Variants in MARCHF10 observed in about 807,000 individuals in gnomAD.
MARCHF10 encodes membrane associated ring-CH-type finger 10, also known as probable E3 ubiquitin-protein ligase MARCHF10.
A neutral mutation model predicts 76.2 loss-of-function variants in MARCHF10; 64 were observed. The ratio of observed to expected loss-of-function variants is 0.84; its 90% CI spans 0.69 to 1.03. MARCHF10 has a LOEUF of 1.03. MARCHF10 is among the 50% of genes least tolerant of loss of function. The pLI is 0.00. For synonymous variants in MARCHF10, 340 were observed against 357.5 expected (o/e 0.95, Z 0.55); for missense variants, 875 against 958.0 (o/e 0.91, Z 1.14).
rs560109713 is a variant in MARCHF10 at position 62,714,472 on chromosome 17, TTGTC to T, written c.2215-3132_2215-3129del. 222 of 959,486 alleles carry T rather than the reference TTGTC, an allele frequency of 2.3e-4. 4 individuals are homozygous for T. In the South Asian group the frequency reaches 8.1e-3, roughly 35 times the overall value. The allele number at this position is 959,486 out of a possible 1,614,324, so 59.4% of individuals were successfully genotyped here. A position where few individuals can be genotyped will look rare whatever the true frequency, so the allele number is the denominator to read the frequency against. Reference sequence around the variant, plus strand: ...ATTTAAAGACAGGATTCCAGGTAAATTGTCTGGGCGTTAAGATCTGTGAGGGCAA... The same window carrying T: ...ATTTAAAGACAGGATTCCAGGTAAATTGGGCGTTAAGATCTGTGAGGGCAA... On this transcript the variant is annotated intron_variant, in intron 8 of 10. Coordinates refer to ENST00000311269, the MANE Select transcript of MARCHF10 (RefSeq NM_152598.4).
chr17:62,730,914 A>G (rs1047075693), intron 6 of MARCHF10, among the ~76,000 whole-genome samples: 4 of 150,268 alleles, frequency 2.7e-5, no homozygotes, highest in South Asian at 4.2e-4. Flanking sequence ...CAACAACAAC[A>G]ACGACAACAA....
chr17:62,783,590 G>GC (rs927260533), intron 3 of MARCHF10, among the ~76,000 whole-genome samples: 15 of 152,162 alleles, frequency 9.9e-5, no homozygotes, highest in African/African-American at 3.1e-4. Context: ...TCCTGGAGCT[G>GC]TTTTTTTGAA....
At chr17:62,707,095 G>A (rs2089638565) in intron 9 of MARCHF10, among the ~76,000 whole-genome samples, 2 of 152,236 alleles carry the variant, frequency 1.3e-5, no homozygotes, top group Admixed American at 6.5e-5. Flanking sequence ...GCTCCCACAC[G>A]GGCCCCCTTA....
chr17:62,711,202 G>T lies in MARCHF10; in HGVS notation c.2328+29C>A, dbSNP rs1166612469. 5.0e-6 allele frequency: 8 copies of T among 1,592,650 alleles called. No individual in the cohort carries two copies. In the African/African-American group the frequency reaches 9.4e-5, roughly 19 times the overall value. The stretch of plus-strand genomic sequence containing the variant: ...CTGCAGGGTTTTCAGGGCTGCCACC[G>T]GACAGCTCTGGGTCACAGCCAGACT... On this transcript the variant is annotated intron_variant, in intron 9 of 10. Coordinates refer to ENST00000311269, the MANE Select transcript of MARCHF10 (RefSeq NM_152598.4). This position sits in a 1 kb window ranked among gnomAD's most constrained non-coding sequence, Gnocchi z 4.4.
intron 6 of MARCHF10, among the ~76,000 whole-genome samples, chr17:62,733,900 A>G (rs1199981535): frequency 1.3e-5 from 2 of 152,148 alleles, no homozygotes; most frequent in African/African-American, 4.8e-5. Flanking sequence ...GTTTAGAAAA[A>G]CTGGCTGGGT....
intron 10 of MARCHF10, among the ~76,000 whole-genome samples, chr17:62,703,697 G>A (rs2089387285): frequency 6.6e-6 from 1 of 152,232 alleles, no homozygotes; most frequent in South Asian, 2.1e-4. Context: ...CCCGGAGGAA[G>A]GATGACAAAT....
chr17:62,735,860 C>G, intron 6 of MARCHF10, 71 bp downstream of exon 6: 1 of 1,416,994 alleles, frequency 7.1e-7, no homozygotes, highest in Non-Finnish European at 9.6e-7. Flanking sequence ...TCCCATGGCT[C>G]TCTAACGAAA....
chr17:62,705,475 GTC>G (rs1249043934), intron 10 of MARCHF10, 62 bp downstream of exon 10: 1 of 1,613,808 alleles, frequency 6.2e-7, no homozygotes, highest in Non-Finnish European at 8.5e-7. Context: ...GTTCCACACA[GTC>G]ACAGAAAAAG....
At chr17:62,766,440 CAGTGAGTTG>C (rs2092333860) in intron 3 of MARCHF10, among the ~76,000 whole-genome samples, 1 of 151,634 alleles carries the variant, frequency 6.6e-6, no homozygotes, top group Admixed American at 6.6e-5. Flanking sequence ...GTGGAGGTTG[CAGTGAGTTG>C]AGATAGCACC....
Position 62,736,133 on chromosome 17 carries a change from A to AGGAGCTGGAAGAATCCAC in MARCHF10, c.1717_1734dup (p.Val573_Ser578dup), listed in dbSNP as rs1262785996. The AGGAGCTGGAAGAATCCAC allele has an allele frequency of 2.5e-6, 4 of 1,614,168 alleles. No homozygotes were observed. In the South Asian group the frequency reaches 4.4e-5, roughly 18 times the overall value. On this transcript the variant is annotated inframe_insertion, in exon 6 of 11. Transcript: ENST00000311269. Reference sequence around the variant, plus strand: ...CCTTCTGAGTTCATTCTTGATGGAGAGGAGCTGGAAGAATCCACTAAGGAC... The same window carrying AGGAGCTGGAAGAATCCAC: ...CCTTCTGAGTTCATTCTTGATGGAGAGGAGCTGGAAGAATCCACGGAGCTGGAAGAATCCACTAAGGAC...
chr17:62,707,408 T>C (rs1341213618), intron 9 of MARCHF10: 1 of 152,382 alleles, frequency 6.6e-6, no homozygotes, highest in African/African-American at 2.4e-5. Flanking sequence ...ACACCTACCC[T>C]TGCCCATCTG....
rs775399688 is a variant in MARCHF10, at chr17:62,705,628, A to G, written c.2329-47T>C. ...GAAATGAATTGTTTTTTCCAATACGATTGTGAACAGATGTATAACCTCCTA... is the reference window on the plus strand; with the variant it reads ...GAAATGAATTGTTTTTTCCAATACGGTTGTGAACAGATGTATAACCTCCTA... On this transcript the variant is annotated intron_variant, in intron 9 of 10. Transcript: ENST00000311269. 18 of 1,609,270 alleles carry G rather than the reference A, an allele frequency of 1.1e-5. No homozygotes were observed. The Admixed American group carries it at 2.5e-4, about 22-fold the overall frequency.
intron 3 of MARCHF10, among the ~76,000 whole-genome samples, chr17:62,771,281 T>C (rs1477753126): frequency 6.6e-6 from 1 of 152,046 alleles, no homozygotes; most frequent in Non-Finnish European, 1.5e-5. Context: ...GGGGTGTAAC[T>C]AGTGAGCTGA....
intron 1 of MARCHF10, among the ~76,000 whole-genome samples, chr17:62,806,996 C>T (rs777014316): frequency 1.8e-4 from 28 of 152,192 alleles, no homozygotes; most frequent in Non-Finnish European, 1.5e-4. Flanking sequence ...ATCTAACCTC[C>T]TCCTTAGACG....
intron 6 of MARCHF10, among the ~76,000 whole-genome samples, chr17:62,726,976 A>G (rs2090787058): frequency 6.6e-6 from 1 of 152,182 alleles, no homozygotes; most frequent in South Asian, 2.1e-4. Context: ...GCATTTGGAA[A>G]CAAGTGCTCT....
intron 3 of MARCHF10, among the ~76,000 whole-genome samples, chr17:62,773,871 T>C (rs2092495089): frequency 6.6e-6 from 1 of 152,204 alleles, no homozygotes; most frequent in African/African-American, 2.4e-5. Flanking sequence ...GGCATCACTT[T>C]TGAAAGTTGA....
intron 1 of MARCHF10, 103 bp from the exon 2 acceptor site, chr17:62,801,855 A>G (rs2093080230): frequency 2.3e-6 from 2 of 876,562 alleles, no homozygotes; most frequent in Non-Finnish European, 3.8e-6. Context: ...GTATTCATCT[A>G]ATTTCCCTTG....
intron 6 of MARCHF10, among the ~76,000 whole-genome samples, chr17:62,728,467 T>C (rs1471493037): frequency 6.6e-6 from 1 of 152,106 alleles, no homozygotes; most frequent in Admixed American, 6.6e-5. Flanking sequence ...AAACCACCCA[T>C]TCCTTCCTTC....
Position 62,705,379 on chromosome 17 carries a change from ATTGT to A in MARCHF10, c.2371+156_2371+159del, listed in dbSNP as rs1350470294. On this transcript the variant is annotated intron_variant, in intron 10 of 10. Transcript: ENST00000311269. ...CAGTGAACTTGGCCTCGCCTTCCTG[ATTGT>A]TTGCTGCGGCTGACTTTCCCAAGCT... 4.6e-6 allele frequency: 7 copies of A among 1,533,270 alleles called. No individual in the cohort carries two copies. In the East Asian group the frequency reaches 1.2e-4, roughly 27 times the overall value. 95.0% of individuals were successfully genotyped at this position (1,533,270 alleles called of 1,614,324 possible).
Sources: allele counts gnomAD v4.1 joint callset (sites outside exome capture counted in the v4.1 genomes callset), GRCh38; gene constraint gnomAD v4.1.1; non-coding constraint Gnocchi (gnomAD v3.1); transcripts MANE v1.5; gene names NCBI Gene and HGNC (gene_info 2026-07-23, HGNC 2026-07-21).